ATXN10: variants seen among roughly 807,000 people sequenced by gnomAD.
ATXN10 encodes ataxin 10.
In ATXN10, 28 loss-of-function variants were observed where a neutral mutation model predicts 52.9. The observed-to-expected ratio is 0.53, with a 90% CI of 0.39 to 0.73. The LOEUF is 0.73. ATXN10 is among the 30% of genes least tolerant of loss of function. The pLI, the probability that ATXN10 is intolerant of heterozygous loss-of-function variation, is 0.00. For missense variants in ATXN10, 565 were observed against 577.0 expected, an observed-to-expected ratio of 0.98 and a Z score of 0.21; for synonymous variants, 226 against 221.5, an observed-to-expected ratio of 1.02 and a Z score of -0.18.
Position 45,835,842 on chromosome 22 carries a change from A to AT in ATXN10, c.1238-7141dup, listed in dbSNP as rs200305783. Among the ~76,000 whole-genome samples, 1,312 of 152,056 alleles carry AT rather than the reference A, an allele frequency of 8.6e-3. 10 individuals are homozygous for AT. The highest frequency in any genetic ancestry group is 0.015 in the South Asian group (70 of 4,810). ...AATTATTTCTCTGCCTTCTTTTAGT[A>AT]TTTTTTTTAACACTTTCAGTATTAG... On this transcript the variant is annotated intron_variant, in intron 10 of 11. Transcript: ENST00000252934. The surrounding 1 kb of genome is among the most constrained non-coding windows in gnomAD (Gnocchi z 5.0).
intron 10 of ATXN10, among the ~76,000 whole-genome samples, chr22:45,838,707 C>T (rs1929248207): frequency 6.6e-6 from 1 of 152,230 alleles, no homozygotes; most frequent in Admixed American, 6.5e-5. Context: ...AGGCTGCACT[C>T]TAACAAGGAG....
At chr22:45,801,037 T>C (rs1927915511) in intron 9 of ATXN10, among the ~76,000 whole-genome samples, 1 of 152,172 alleles carries the variant, frequency 6.6e-6, no homozygotes, top group Non-Finnish European at 1.5e-5. Flanking sequence ...CTTTTAGAAG[T>C]AAAGAAAACG....
In ATXN10 at chr22:45,784,428, G is replaced by GCTTCTCA. The variant is rs1443492505; in HGVS notation, c.1174-22526_1174-22525insCACTTCT. On this transcript the variant is annotated intron_variant, in intron 9 of 11. Transcript: ENST00000252934. The surrounding 1 kb of genome is among the most constrained non-coding windows in gnomAD (Gnocchi z 4.2). ...CCCATTTTCAAGCAGAGCTAACACA[G>GCTTCTCA]CTTCTAAGACATATGATCTTGATTC... Among the ~76,000 whole-genome samples, 1 of 152,130 alleles carries GCTTCTCA rather than the reference G, an allele frequency of 6.6e-6. No homozygotes were observed. Among genetic ancestry groups the GCTTCTCA allele is most frequent in the Non-Finnish European group, 1.5e-5 (1 of 68,024 alleles).
chr22:45,827,839 A>G (rs1362066071), intron 10 of ATXN10, among the ~76,000 whole-genome samples: 3 of 152,226 alleles, frequency 2.0e-5, no homozygotes, highest in Admixed American at 6.5e-5. Context: ...TCTCAAGTGC[A>G]CAGAAGACAT....
At position 45,819,192 on chromosome 22, in the gene ATXN10, AAATAGAATAG is replaced by A. The variant is rs56195245; in HGVS notation, c.1237+12221_1237+12230del. Among the ~76,000 whole-genome samples the A allele has an allele frequency of 0.063, 9,359 of 147,538 alleles. 356 individuals are homozygous for A. The highest frequency in any genetic ancestry group is 0.14 in the East Asian group (667 of 4,934). Reference sequence around the variant, plus strand: ...TCTGTAGTATGAAGAATAGAATAGAAAATAGAATAGAATAGAATAGAATAGAATAGAATAG... The same window carrying A: ...TCTGTAGTATGAAGAATAGAATAGAAAATAGAATAGAATAGAATAGAATAG... On this transcript the variant is annotated intron_variant, in intron 10 of 11. Coordinates refer to ENST00000252934, the MANE Select transcript of ATXN10 (RefSeq NM_013236.4). This position sits in a 1 kb window ranked among gnomAD's most constrained non-coding sequence, Gnocchi z 4.5.
At chr22:45,836,128 T>C (rs1318950055) in intron 10 of ATXN10, among the ~76,000 whole-genome samples, 1 of 152,186 alleles carries the variant, frequency 6.6e-6, no homozygotes, top group Non-Finnish European at 1.5e-5. Flanking sequence ...AACACATAGT[T>C]TCCAGCGTCA....
intron 2 of ATXN10, 53 bp from the exon 3 acceptor site, chr22:45,692,943 A>G (rs1923441069): frequency 1.4e-6 from 2 of 1,467,294 alleles, no homozygotes; most frequent in Non-Finnish European, 1.9e-6. Context: ...ACAGCCATAG[A>G]CAATATATGA....
At chr22:45,785,753 A>G (rs1221515783) in intron 9 of ATXN10, among the ~76,000 whole-genome samples, 1 of 152,208 alleles carries the variant, frequency 6.6e-6, no homozygotes, top group South Asian at 2.1e-4. Flanking sequence ...AGTCTGAGGA[A>G]GCCGCGAGGC....
intron 9 of ATXN10, among the ~76,000 whole-genome samples, chr22:45,758,392 T>C (rs2146825893): frequency 6.6e-6 from 1 of 152,366 alleles, no homozygotes; most frequent in East Asian, 1.9e-4. Context: ...TTTAGGAAAT[T>C]ACATATTCAT....
At chr22:45,829,411 T>A (rs2146908119) in intron 10 of ATXN10, among the ~76,000 whole-genome samples, 1 of 152,200 alleles carries the variant, frequency 6.6e-6, no homozygotes, top group South Asian at 2.1e-4. Flanking sequence ...AGAAAAGGCA[T>A]CCAAATTAGA....
chr22:45,713,104 A>ACC (rs1230999470), intron 5 of ATXN10, among the ~76,000 whole-genome samples: 2 of 150,166 alleles, frequency 1.3e-5, no homozygotes, highest in Non-Finnish European at 3.0e-5. Flanking sequence ...TTTCCCTGAA[A>ACC]CCCCCCGTCT....
chr22:45,713,038 C>T (rs1165573943), intron 5 of ATXN10, among the ~76,000 whole-genome samples: 1 of 151,976 alleles, frequency 6.6e-6, no homozygotes, highest in Non-Finnish European at 1.5e-5. Context: ...AGTATAGCAT[C>T]GCCATTGTAT....
intron 6 of ATXN10, among the ~76,000 whole-genome samples, chr22:45,722,586 G>A (rs532485646): frequency 6.6e-5 from 10 of 152,192 alleles, no homozygotes; most frequent in South Asian, 2.1e-4. Flanking sequence ...TTATACAGGC[G>A]GCATCTGCTG....
At chr22:45,723,141 T>A (rs914987143) in intron 6 of ATXN10, among the ~76,000 whole-genome samples, 2 of 151,132 alleles carry the variant, frequency 1.3e-5, no homozygotes, top group Non-Finnish European at 1.5e-5. Flanking sequence ...GTGTGTGTGT[T>A]TATATATATA....
At position 45,816,447 on chromosome 22, in the gene ATXN10, T is replaced by C. The variant is rs565932912; in HGVS notation, c.1237+9425T>C. ...TTCTTTCTAGATCCCTTCAGTGAGC[T>C]GAGTGCCTCCATTTGGCGTGTTATA... On this transcript the variant is annotated intron_variant, in intron 10 of 11. Coordinates refer to ENST00000252934, the MANE Select transcript of ATXN10 (RefSeq NM_013236.4). This position sits in a 1 kb window ranked among gnomAD's most constrained non-coding sequence, Gnocchi z 5.8. Among the ~76,000 whole-genome samples, 124 of 152,312 alleles carry C rather than the reference T, an allele frequency of 8.1e-4. No individual in the cohort carries two copies. Among genetic ancestry groups the C allele is most frequent in the South Asian group, 2.3e-3 (11 of 4,820 alleles).
rs1363413694 is a variant in ATXN10, at chr22:45,701,584, C to A, written c.489-1105C>A. On this transcript the variant is annotated intron_variant, in intron 4 of 11. Coordinates refer to ENST00000252934, the MANE Select transcript of ATXN10 (RefSeq NM_013236.4). The surrounding 1 kb of genome is among the most constrained non-coding windows in gnomAD (Gnocchi z 4.2). The stretch of plus-strand genomic sequence containing the variant: ...GGTGGAAGAAGAGAATTACGAAATT[C>A]AAGCTACAGAAATAGGCATTGCTTA... Among the ~76,000 whole-genome samples, 1 of 152,186 alleles carries A rather than the reference C, an allele frequency of 6.6e-6. No homozygotes were observed. Among genetic ancestry groups the A allele is most frequent in the Non-Finnish European group, 1.5e-5 (1 of 68,028 alleles).
In ATXN10 at chr22:45,714,520, G is replaced by A. The variant is rs186248281; in HGVS notation, c.648-3893G>A. 4.0e-5 allele frequency among the ~76,000 whole-genome samples: 6 copies of A among 151,810 alleles called. No homozygotes were observed. In the East Asian group the frequency reaches 5.9e-4, roughly 15 times the overall value. On this transcript the variant is annotated intron_variant, in intron 5 of 11. Coordinates refer to ENST00000252934, the MANE Select transcript of ATXN10 (RefSeq NM_013236.4). ...CTCAGCCCACTGAGAAGCTGGGATC[G>A]CAGGTGCATACCACCGCACCTGGCT... is the stretch of plus-strand genomic sequence containing the variant.
chr22:45,719,572 G>T (rs1264838805), intron 6 of ATXN10, among the ~76,000 whole-genome samples: 2 of 149,784 alleles, frequency 1.3e-5, no homozygotes, highest in Non-Finnish European at 3.0e-5. Context: ...TTTTTTTGCA[G>T]TAAGGAACAC....
rs549390876 is a variant in ATXN10, at chr22:45,833,342, G to T, written c.1238-9649G>T. On this transcript the variant is annotated intron_variant, in intron 10 of 11. Coordinates refer to ENST00000252934, the MANE Select transcript of ATXN10 (RefSeq NM_013236.4). This position sits in a 1 kb window ranked among gnomAD's most constrained non-coding sequence, Gnocchi z 4.3. ...ATGGTAACTAATGCCATTGGAGCAA[G>T]TGCTACCAGATGCCCAGACACTGGT... Among the ~76,000 whole-genome samples, 2 of 152,330 alleles carry T rather than the reference G, an allele frequency of 1.3e-5. No individual in the cohort carries two copies. The highest frequency in any genetic ancestry group is 4.1e-4 in the South Asian group (2 of 4,828).
Sources: allele counts gnomAD v4.1 joint callset (sites outside exome capture counted in the v4.1 genomes callset), GRCh38; gene constraint gnomAD v4.1.1; non-coding constraint Gnocchi (gnomAD v3.1); transcripts MANE v1.5; gene names NCBI Gene and HGNC (gene_info 2026-07-23, HGNC 2026-07-21).